Variants in TEX9 observed in about 807,000 individuals in gnomAD.
TEX9 encodes testis expressed 9, also known as testis-expressed protein 9.
In TEX9, 74 loss-of-function variants were observed where a neutral mutation model predicts 59.6. The observed-to-expected ratio is 1.24, with a 90% CI of 1.03 to 1.51. The LOEUF (loss-of-function observed/expected upper bound fraction) is 1.51. TEX9 is among the 40% of genes most tolerant of loss of function. TEX9 has a pLI of 0.00. For missense variants in TEX9, 522 were observed against 447.8 expected, an observed-to-expected ratio of 1.17 and a Z score of -1.49; for synonymous variants, 186 against 152.2, an observed-to-expected ratio of 1.22 and a Z score of -1.64.
chr15:56,394,633 C>G lies in TEX9; in HGVS notation c.655-28C>G, dbSNP rs199758113. On this transcript the variant is annotated intron_variant, in intron 8 of 12. Coordinates refer to ENST00000352903, the Ensembl canonical transcript of TEX9. ...TGATAACAAATCTTACATATTTTTT[C>G]ACATAATCTATAACTTTATAACTAT... The G allele has an allele frequency of 9.0e-6, 13 of 1,437,364 alleles. 1 individual carries two copies. The East Asian group carries it at 3.1e-4, about 34-fold the overall frequency. The allele number at this position is 1,437,364 out of a possible 1,614,324, so 89.0% of individuals were successfully genotyped here. A position where few individuals can be genotyped will look rare whatever the true frequency, so the allele number is the denominator to read the frequency against.
rs779940290 is a variant in TEX9 at position 56,384,382 on chromosome 15, G to GT, written c.263+353dup. ...TCATTGGGCTATGAACAGAAGTTTA[G>GT]TTAATCTCTTCCAAGCCAAAACAGA... On this transcript the variant is annotated intron_variant, in intron 4 of 12. Coordinates refer to ENST00000352903, the Ensembl canonical transcript of TEX9. Among the ~76,000 whole-genome samples the GT allele has an allele frequency of 1.5e-3, 223 of 152,270 alleles. 3 individuals carry two copies. Among genetic ancestry groups the GT allele is most frequent in the South Asian group, 2.1e-4 (1 of 4,832 alleles).
At chr15:56,341,784 A>C (rs2046376664) in intron 1 of TEX9, among the ~76,000 whole-genome samples, 1 of 152,142 alleles carries the variant, frequency 6.6e-6, no homozygotes, top group African/African-American at 2.4e-5. Context: ...TGATATAAAA[A>C]TATAAAAATA....
chr15:56,370,078 T>G (rs1247104822), intron 2 of TEX9, among the ~76,000 whole-genome samples: 20 of 152,196 alleles, frequency 1.3e-4, no homozygotes, highest in Non-Finnish European at 1.5e-5. Context: ...ATAAGTGAAT[T>G]TAATATATTT....
At chr15:56,319,782 A>G (rs1410951477) in intron 1 of TEX9, among the ~76,000 whole-genome samples, 1 of 152,206 alleles carries the variant, frequency 6.6e-6, no homozygotes, top group African/African-American at 2.4e-5. Context: ...TGTTATGGCC[A>G]AGAAAATATT....
chr15:56,344,320 G>T (rs2046425240), intron 1 of TEX9, among the ~76,000 whole-genome samples: 1 of 152,050 alleles, frequency 6.6e-6, no homozygotes, highest in South Asian at 2.1e-4. Flanking sequence ...CTATATAATG[G>T]AATATTATTT....
intron 9 of TEX9, among the ~76,000 whole-genome samples, chr15:56,411,115 C>G (rs1284305621): frequency 1.3e-5 from 2 of 152,152 alleles, no homozygotes; most frequent in African/African-American, 4.8e-5. Context: ...CATTTCAACT[C>G]TATAATATTT....
At chr15:56,277,968 T>C (rs375117167) in intron 1 of TEX9, among the ~76,000 whole-genome samples, 96 of 152,218 alleles carry the variant, frequency 6.3e-4, no homozygotes, top group Middle Eastern at 6.8e-3. Flanking sequence ...GTTTTTTTTT[T>C]CTCTTTTCCC....
chr15:56,458,277 C>G, the TEX9 span, among the ~76,000 whole-genome samples: 5 of 151,840 alleles, frequency 3.3e-5, no homozygotes, highest in Non-Finnish European at 7.4e-5. Flanking sequence ...CTATCTAGTT[C>G]CAGAGCCTTA....
intron 12 of TEX9, chr15:56,444,403 A>G: frequency 2.6e-6 from 4 of 1,537,104 alleles, no homozygotes; most frequent in Non-Finnish European, 3.5e-6. Flanking sequence ...ATATATCTAA[A>G]GTAAACATTT....
intron 12 of TEX9, chr15:56,443,982 G>T (rs2050864640): frequency 2.7e-6 from 2 of 727,436 alleles, no homozygotes. Flanking sequence ...CAAACATTTT[G>T]AATGCTTACT....
intron 1 of TEX9, among the ~76,000 whole-genome samples, chr15:56,258,534 A>C (rs1452510690): frequency 3.3e-5 from 5 of 151,684 alleles, no homozygotes; most frequent in Non-Finnish European, 5.9e-5. Flanking sequence ...TAGGTTTTTT[A>C]TTCTTTTGTA....
intron 12 of TEX9, among the ~76,000 whole-genome samples, chr15:56,438,075 A>C (rs549416047): frequency 4.1e-4 from 63 of 152,316 alleles, no homozygotes; most frequent in African/African-American, 1.5e-3. Context: ...CATCCACATC[A>C]AGCTACCAAT....
chr15:56,334,961 A>G (rs1247200987), intron 1 of TEX9, among the ~76,000 whole-genome samples: 3 of 152,204 alleles, frequency 2.0e-5, no homozygotes, highest in Non-Finnish European at 4.4e-5. Flanking sequence ...ATATCATCTG[A>G]CACCATTTAA....
chr15:56,304,540 CATTG>C (rs1401041062), intron 1 of TEX9, among the ~76,000 whole-genome samples: 1 of 152,126 alleles, frequency 6.6e-6, no homozygotes, highest in Non-Finnish European at 1.5e-5. Flanking sequence ...TGATGTATCA[CATTG>C]ATTGATCTGT....
intron 1 of TEX9, among the ~76,000 whole-genome samples, chr15:56,256,065 T>A (rs936920734): frequency 3.9e-5 from 6 of 151,938 alleles, no homozygotes; most frequent in Non-Finnish European, 7.4e-5. Flanking sequence ...TAAAAACCAC[T>A]CCTTTAATAC....
rs374476223 is a variant in TEX9 at position 56,439,751 on chromosome 15, T to TA, written c.*30-5908dup. Among the ~76,000 whole-genome samples, 302 of 82,402 alleles carry TA rather than the reference T, an allele frequency of 3.7e-3. 1 individual carries two copies. The highest frequency in any genetic ancestry group is 6.6e-3 in the East Asian group (21 of 3,168). The allele number at this position is 82,402 out of a possible 152,430, so 54.1% of individuals were successfully genotyped here. On this transcript the variant is annotated intron_variant, in intron 12 of 12. Coordinates refer to ENST00000352903, the Ensembl canonical transcript of TEX9. Reference sequence around the variant, plus strand: ...GATTGAAATGTAAAATGGAAAAGCATAAAAAAAAAAAACCCAAAAAAACAA... The same window carrying TA: ...GATTGAAATGTAAAATGGAAAAGCATAAAAAAAAAAAAACCCAAAAAAACAA...
intron 1 of TEX9, among the ~76,000 whole-genome samples, chr15:56,278,453 C>T (rs2044732980): frequency 6.6e-6 from 1 of 152,194 alleles, no homozygotes; most frequent in Non-Finnish European, 1.5e-5. Flanking sequence ...TGTCTTTGGG[C>T]CCATCATCCC....
chr15:56,390,640 A>G (rs2048164607), intron 6 of TEX9, among the ~76,000 whole-genome samples: 1 of 152,002 alleles, frequency 6.6e-6, no homozygotes, highest in South Asian at 2.1e-4. Flanking sequence ...TCTCCTTTTC[A>G]TTAAAAAAAA....
At chr15:56,427,493 T>G in intron 10 of TEX9, 112 bp from the exon 11 acceptor site, 1 of 697,264 alleles carries the variant, frequency 1.4e-6, no homozygotes, top group Non-Finnish European at 2.1e-6. Flanking sequence ...TACAAAAATT[T>G]TATATTTCAG....
Sources: gnomAD v4.1 joint callset for allele counts (sites outside exome capture counted in the v4.1 genomes callset) on GRCh38, gnomAD v4.1.1 for gene constraint, MANE v1.5 for transcripts, NCBI Gene and HGNC (gene_info 2026-07-23, HGNC 2026-07-21) for gene names.